TMEM266: variants seen among roughly 807,000 people sequenced by gnomAD.
TMEM266 encodes the protein transmembrane protein 266, also known as Hv1 related protein 1.
In TMEM266, 33 loss-of-function variants were observed where a neutral mutation model predicts 50.5. The ratio of observed to expected loss-of-function variants is 0.65; its 90% confidence interval spans 0.50 to 0.87. The LOEUF is 0.87. Among genes scored for constraint, TMEM266 ranks in the 40% least tolerant of loss-of-function variants. TMEM266 has a pLI of 0.00. For missense variants in TMEM266, 655 were observed against 695.1 expected, an observed-to-expected ratio of 0.94 and a Z score of 0.65; for synonymous variants, 310 against 292.3, an observed-to-expected ratio of 1.06 and a Z score of -0.62.
Position 76,062,486 on chromosome 15 carries a change from C to A in TMEM266, c.-97+2470C>A, listed in dbSNP as rs2036323148. Among the ~76,000 whole-genome samples the A allele has an allele frequency of 4.6e-5, 7 of 152,178 alleles. No homozygotes were observed. The South Asian group carries it at 1.2e-3, about 27-fold the overall frequency. On this transcript the variant is annotated intron_variant, in intron 1 of 10. Coordinates refer to ENST00000388942, the MANE Select transcript of TMEM266 (RefSeq NM_152335.3). ...CCTGGTGTTTACAGAAATGCTGAGA[C>A]AGGATCTTTCTGTCTTGGGGATTTC...
chr15:76,156,670 A>G lies in TMEM266; in HGVS notation c.294A>G (p.Ala98=). The change falls in exon 4 of 11, where the codon GCA becomes GCG. Residue 98 remains alanine, a synonymous_variant. Coordinates refer to ENST00000388942, the MANE Select transcript of TMEM266 (RefSeq NM_152335.3). ...LSASLNSFLV[A]CVILVVILLT... is the part of the protein sequence containing the mutation. ...TGTGGCAGGTATTTTTGCTCAGTGC[A>G]AGTCTCAACAGTTTCCTGGTAGCCT... The G allele has an allele frequency of 1.2e-6, 2 of 1,614,202 alleles. No individual in the cohort carries two copies. The highest frequency in any genetic ancestry group is 1.7e-6 in the Non-Finnish European group (2 of 1,180,012).
chr15:76,198,472 G>A (rs2038689578), intron 9 of TMEM266, among the ~76,000 whole-genome samples: 2 of 152,184 alleles, frequency 1.3e-5, no homozygotes, highest in Non-Finnish European at 2.9e-5. Context: ...ATCTGTGTCT[G>A]CCTCCCTTGC....
At chr15:76,073,259 GTCTC>G (rs2036562940) in intron 1 of TMEM266, among the ~76,000 whole-genome samples, 1 of 139,406 alleles carries the variant, frequency 7.2e-6, no homozygotes, top group African/African-American at 2.7e-5. Context: ...GTGAGACTAA[GTCTC>G]TCTCCATCAC....
chr15:76,202,076 G>T (rs551381374), intron 9 of TMEM266, 126 bp from the exon 10 acceptor site: 5 of 776,246 alleles, frequency 6.4e-6, no homozygotes, highest in Middle Eastern at 3.2e-4. Flanking sequence ...GGCAGCTCCC[G>T]TCACACACAC....
At chr15:76,166,588 T>A (rs2957039) in intron 5 of TMEM266, among the ~76,000 whole-genome samples, 17,705 of 152,210 alleles carry the variant, frequency 0.12, 1,166 homozygotes, top group Non-Finnish European at 0.15. Context: ...AGGCTCTGGG[T>A]GCGCTGTCTG....
chr15:76,156,865 C>A, intron 4 of TMEM266, 107 bp downstream of exon 4: 1 of 1,190,266 alleles, frequency 8.4e-7, no homozygotes, highest in South Asian at 1.4e-5. Context: ...CTGCCCCCGC[C>A]GATGCTGCTG....
At chr15:76,203,562 CA>C (rs2038784449) in intron 10 of TMEM266, among the ~76,000 whole-genome samples, 178 bp from the exon 11 acceptor site, 1 of 152,222 alleles carries the variant, frequency 6.6e-6, no homozygotes, top group African/African-American at 2.4e-5. Flanking sequence ...CCCCTCAAAG[CA>C]GGGCAGTGAT....
At chr15:76,137,636 C>T (rs2037611535) in intron 2 of TMEM266, 71 bp from the exon 3 acceptor site, 1 of 1,459,530 alleles carries the variant, frequency 6.9e-7, no homozygotes, top group African/African-American at 1.4e-5. Context: ...TCCCTCCTTT[C>T]CTTGAGGAAT....
chr15:76,177,810 CAG>C (rs67082803), intron 8 of TMEM266, among the ~76,000 whole-genome samples: 3,648 of 152,362 alleles, frequency 0.024, 125 homozygotes, highest in African/African-American at 0.084. Context: ...CCGCCTAGGA[CAG>C]GGTGTGACCC....
Position 76,168,588 on chromosome 15 carries a change from C to G in TMEM266, c.457-1228C>G, listed in dbSNP as rs1362799191. 6.6e-6 allele frequency among the ~76,000 whole-genome samples: 1 copy of G among 152,248 alleles called. No individual in the cohort carries two copies. The highest frequency in any genetic ancestry group is 6.5e-5 in the Admixed American group (1 of 15,286). The stretch of plus-strand genomic sequence containing the variant: ...AGGGGCTTCTTTGGAGAAAGATGTC[C>G]TCTTGGTGAGGAAACCGCTCCTGAA... On this transcript the variant is annotated intron_variant, in intron 5 of 10. Coordinates refer to ENST00000388942, the MANE Select transcript of TMEM266 (RefSeq NM_152335.3). The surrounding 1 kb of genome is among the most constrained non-coding windows in gnomAD (Gnocchi z 4.4).
chr15:76,176,925 C>T (rs189782697), intron 8 of TMEM266, among the ~76,000 whole-genome samples: 105 of 152,336 alleles, frequency 6.9e-4, no homozygotes, highest in Non-Finnish European at 5.4e-4. Context: ...ATAAACACCC[C>T]GACTGTGCCA....
chr15:76,151,195 C>G (rs1367455956), intron 3 of TMEM266, among the ~76,000 whole-genome samples: 1 of 152,208 alleles, frequency 6.6e-6, no homozygotes, highest in Admixed American at 6.5e-5. Flanking sequence ...TGGGCCGACG[C>G]TGAAGACAGA....
chr15:76,200,302 G>T (rs535897873), intron 9 of TMEM266, among the ~76,000 whole-genome samples: 150 of 152,258 alleles, frequency 9.9e-4, no homozygotes, highest in Non-Finnish European at 1.8e-3. Context: ...TTCGCACTCC[G>T]CTGTGACTCT....
At chr15:76,132,711 C>T (rs1392159922) in intron 1 of TMEM266, among the ~76,000 whole-genome samples, 2 of 151,648 alleles carry the variant, frequency 1.3e-5, no homozygotes, top group Non-Finnish European at 2.9e-5. Context: ...ATGAGAATCA[C>T]TTTAACCCAG....
At chr15:76,143,732 G>A (rs967722242) in intron 3 of TMEM266, among the ~76,000 whole-genome samples, 4 of 152,096 alleles carry the variant, frequency 2.6e-5, no homozygotes, top group Admixed American at 2.6e-4. Flanking sequence ...TCCTCTGCTT[G>A]TTCTTTAAAT....
At chr15:76,141,749 A>T (rs184027444) in intron 3 of TMEM266, among the ~76,000 whole-genome samples, 8 of 151,236 alleles carry the variant, frequency 5.3e-5, no homozygotes, top group African/African-American at 1.7e-4. Context: ...CTGTTCCCCC[A>T]CTCCTCCAGC....
intron 1 of TMEM266, among the ~76,000 whole-genome samples, chr15:76,109,709 T>C (rs568938280): frequency 1.1e-3 from 168 of 148,570 alleles, no homozygotes; most frequent in African/African-American, 4.0e-3. Flanking sequence ...TTTCTTTCTT[T>C]TCTTTTTTTT....
Position 76,080,629 on chromosome 15 carries a change from T to C in TMEM266, c.-97+20613T>C, listed in dbSNP as rs202156525. Among the ~76,000 whole-genome samples, 9 of 152,078 alleles carry C rather than the reference T, an allele frequency of 5.9e-5. No individual in the cohort carries two copies. The East Asian group carries it at 1.6e-3, about 26-fold the overall frequency. On this transcript the variant is annotated intron_variant, in intron 1 of 10. Transcript: ENST00000388942. ...CCTCTCATTAGGATTATTTCAGGAG[T>C]ACTGCACTCTACAGATGGAGCTAGT...
At chr15:76,086,119 A>AT (rs2036773578) in intron 1 of TMEM266, among the ~76,000 whole-genome samples, 1 of 152,148 alleles carries the variant, frequency 6.6e-6, no homozygotes, top group Admixed American at 6.5e-5. Flanking sequence ...GAAATGATTG[A>AT]ATTTTTCATC....
Sources: gnomAD v4.1 joint callset for allele counts (sites outside exome capture counted in the v4.1 genomes callset) on GRCh38, gnomAD v4.1.1 for gene constraint, Gnocchi (gnomAD v3.1) non-coding constraint, MANE v1.5 for transcripts, NCBI Gene and HGNC (gene_info 2026-07-23, HGNC 2026-07-21) for gene names.